Variants in TPO observed in about 807,000 individuals in gnomAD.
The protein encoded by TPO is thyroid peroxidase, also known as thyroid microsomal antigen.
Under a neutral mutation model 96.9 loss-of-function variants are expected in TPO, and 78 were observed. The observed-to-expected ratio is 0.81, with a 90% CI of 0.67 to 0.97. The LOEUF is 0.97. TPO is among the 50% of genes least tolerant of loss of function. TPO has a pLI of 0.00. For missense variants in TPO, 1,252 were observed against 1,274.8 expected (o/e 0.98, Z 0.27); for synonymous variants, 547 against 538.0 (o/e 1.02, Z -0.23).
intron 1 of TPO, among the ~76,000 whole-genome samples, chr2:1,378,739 C>T (rs1176134319): frequency 1.3e-5 from 2 of 152,304 alleles, no homozygotes; most frequent in Non-Finnish European, 1.5e-5. Flanking sequence ...GCCGTGCACC[C>T]GGCAGATGCT....
intron 1 of TPO, among the ~76,000 whole-genome samples, chr2:1,385,841 G>C (rs1368169402): frequency 6.6e-6 from 1 of 151,938 alleles, no homozygotes; most frequent in Non-Finnish European, 1.5e-5. Context: ...GCTTTCTCTT[G>C]TGGGCATTTA....
intron 7 of TPO, among the ~76,000 whole-genome samples, chr2:1,462,609 T>G (rs545073191): frequency 1.3e-5 from 2 of 152,232 alleles, no homozygotes; most frequent in East Asian, 3.9e-4. Flanking sequence ...AAAGAAATTA[T>G]GAAATTTTAA....
At chr2:1,537,046 C>A (rs113977942) in intron 15 of TPO, among the ~76,000 whole-genome samples, 722 of 18,962 alleles carry the variant, frequency 0.038, 5 homozygotes, top group African/African-American at 0.19. Context: ...CCACTGTGTG[C>A]AACCTCCCCA....
intron 13 of TPO, chr2:1,503,743 C>T (rs532175484): frequency 4.5e-5 from 40 of 896,152 alleles, no homozygotes; most frequent in East Asian, 2.9e-4. Context: ...GCTCAGAGCC[C>T]GTGGCCAGCG....
intron 15 of TPO, among the ~76,000 whole-genome samples, chr2:1,529,728 T>TGC (rs1677594023): frequency 3.9e-5 from 1 of 25,510 alleles, no homozygotes; most frequent in African/African-American, 1.8e-4. Flanking sequence ...ATCCCCCCAC[T>TGC]GTGAGCAATC....
At chr2:1,397,948 A>G (rs1047597261) in intron 1 of TPO, among the ~76,000 whole-genome samples, 3 of 152,160 alleles carry the variant, frequency 2.0e-5, no homozygotes, top group Non-Finnish European at 2.9e-5. Flanking sequence ...AGTTCCAAAT[A>G]TGCACCTTGT....
intron 1 of TPO, among the ~76,000 whole-genome samples, chr2:1,393,685 A>G (rs1005973878): frequency 2.0e-5 from 3 of 152,268 alleles, no homozygotes; most frequent in African/African-American, 7.2e-5. Flanking sequence ...CAGAATAGAT[A>G]TACAGGAAAT....
At position 1,433,639 on chromosome 2, in the gene TPO, G is replaced by A. The variant is rs116244210; in HGVS notation, c.349+32G>A. On this transcript the variant is annotated intron_variant, in intron 4 of 16. Coordinates refer to ENST00000329066, the MANE Select transcript of TPO (RefSeq NM_001206744.2). ...TGTGCCCCTCTCCCCACTGAGGAGC[G>A]GCAACTCCCGAAGGAGGACACCTTG... 1,896 of 1,604,008 alleles carry A rather than the reference G, an allele frequency of 1.2e-3. 22 individuals carry two copies. In the African/African-American group the frequency reaches 0.021, roughly 18 times the overall value.
At chr2:1,384,988 G>T (rs1256971245) in intron 1 of TPO, among the ~76,000 whole-genome samples, 1 of 152,150 alleles carries the variant, frequency 6.6e-6, no homozygotes, top group East Asian at 1.9e-4. Flanking sequence ...TTTTGTCTTT[G>T]GTTCTGTTTA....
At chr2:1,389,474 C>T (rs557037860) in intron 1 of TPO, among the ~76,000 whole-genome samples, 10 of 152,188 alleles carry the variant, frequency 6.6e-5, no homozygotes, top group African/African-American at 2.2e-4. Flanking sequence ...TGCTTAATTC[C>T]CTTTCATGTA....
intron 15 of TPO, among the ~76,000 whole-genome samples, chr2:1,537,428 TTGTGTGCAAACTCCCAA>T (rs1680013470): frequency 1.2e-5 from 1 of 83,756 alleles, no homozygotes; most frequent in African/African-American, 4.8e-5. Flanking sequence ...AACCCTCCCA[TTGTGTGCAAACTCCCAA>T]ATCTCCCCAC....
chr2:1,456,011 A>G, intron 6 of TPO, 65 bp from the exon 7 acceptor site: 1 of 1,520,412 alleles, frequency 6.6e-7, no homozygotes, highest in Non-Finnish European at 9.0e-7. Context: ...CATGATCCCA[A>G]AGGGTCATCT....
At chr2:1,414,701 C>A (rs1662710614) in intron 2 of TPO, among the ~76,000 whole-genome samples, 199 bp downstream of exon 2, 1 of 151,962 alleles carries the variant, frequency 6.6e-6, no homozygotes. Context: ...TAAAAAAGAG[C>A]TGATTTTCCT....
chr2:1,532,947 TCC>T, intron 15 of TPO, among the ~76,000 whole-genome samples: 1 of 104,184 alleles, frequency 9.6e-6, no homozygotes. Context: ...ATGTGCAACC[TCC>T]TCAAATCCCC....
intron 15 of TPO, among the ~76,000 whole-genome samples, chr2:1,535,576 T>C (rs1679438588): frequency 5.8e-5 from 1 of 17,172 alleles, no homozygotes; most frequent in Non-Finnish European, 1.0e-4. Context: ...CCTCCCCAAA[T>C]CCCCCCACTG....
intron 14 of TPO, among the ~76,000 whole-genome samples, chr2:1,514,563 G>A (rs893850853): frequency 6.6e-6 from 1 of 152,030 alleles, no homozygotes; most frequent in African/African-American, 2.4e-5. Flanking sequence ...GGGCACCCAC[G>A]CCCACAGCAG....
At chr2:1,386,914 C>A (rs1329841628) in intron 1 of TPO, among the ~76,000 whole-genome samples, 5 of 152,288 alleles carry the variant, frequency 3.3e-5, no homozygotes, top group Admixed American at 6.5e-5. Context: ...CTGGTGGTGA[C>A]AAAATCTCTC....
intron 15 of TPO, among the ~76,000 whole-genome samples, chr2:1,538,860 A>G (rs1680387010): frequency 6.6e-6 from 1 of 152,180 alleles, no homozygotes; most frequent in Admixed American, 6.5e-5. Flanking sequence ...GGTTGGAAGG[A>G]CGAATGCGCC....
At chr2:1,489,127 CCACACA>C (rs1671455955) in intron 10 of TPO, among the ~76,000 whole-genome samples, 3 of 151,692 alleles carry the variant, frequency 2.0e-5, no homozygotes, top group South Asian at 2.1e-4. Context: ...CAGCACATGC[CCACACA>C]TGACCAGCAC....
Sources: allele counts gnomAD v4.1 joint callset (sites outside exome capture counted in the v4.1 genomes callset), GRCh38; gene constraint gnomAD v4.1.1; transcripts MANE v1.5; gene names NCBI Gene and HGNC (gene_info 2026-07-23, HGNC 2026-07-21).